Variants in ANKRD13C observed in about 807,000 individuals in gnomAD.
ANKRD13C encodes the protein ankyrin repeat domain 13C.
ANKRD13C carries 16 observed loss-of-function variants against 65.5 expected under a neutral mutation model. The observed-to-expected ratio is 0.24, with a 90% CI of 0.17 to 0.37. The LOEUF is 0.37. Ranked by LOEUF, ANKRD13C falls within the 10% of genes least tolerant of loss-of-function variation. ANKRD13C has a pLI of 1.00. For missense variants in ANKRD13C, 503 were observed against 655.9 expected, an observed-to-expected ratio of 0.77 and a Z score of 2.55; for synonymous variants, 235 against 238.7, an observed-to-expected ratio of 0.98 and a Z score of 0.14.
rs906523536 is a variant in ANKRD13C, at chr1:70,342,551, T to TA, written c.431-6453dup. On this transcript the variant is annotated intron_variant, in intron 1 of 12. Coordinates refer to ENST00000370944, the MANE Select transcript of ANKRD13C (RefSeq NM_030816.5). ...GACTCCAACTCGGTGGAGGGGGGAA[T>TA]AAAAAAAAGAAGAGACGTTTACAAT... 2.6e-5 allele frequency among the ~76,000 whole-genome samples: 4 copies of TA among 151,456 alleles called. No individual in the cohort carries two copies. In the South Asian group the frequency reaches 6.3e-4, roughly 24 times the overall value.
intron 8 of ANKRD13C, 99 bp downstream of exon 8, chr1:70,296,031 A>G: frequency 7.2e-7 from 1 of 1,398,596 alleles, no homozygotes; most frequent in East Asian, 2.4e-5. Context: ...CTACTTGGAG[A>G]CAATTCTGTA....
At chr1:70,313,907 A>C (rs1558293844) in intron 4 of ANKRD13C, 117 bp from the exon 5 acceptor site, 8 of 645,294 alleles carry the variant, frequency 1.2e-5, no homozygotes, top group Non-Finnish European at 2.2e-5. Flanking sequence ...CTTAATTACA[A>C]AGGAAAATAT....
At chr1:70,326,310 T>C (rs1312879610) in intron 2 of ANKRD13C, among the ~76,000 whole-genome samples, 2 of 148,200 alleles carry the variant, frequency 1.3e-5, no homozygotes, top group Non-Finnish European at 3.0e-5. Context: ...AGCAAATATT[T>C]ACCAAATGTC....
At position 70,296,115 on chromosome 1, in the gene ANKRD13C, T is replaced by C; in HGVS notation, c.1053+15A>G. The C allele has an allele frequency of 4.4e-6, 7 of 1,606,262 alleles. No homozygotes were observed. The highest frequency in any genetic ancestry group is 5.9e-6 in the Non-Finnish European group (7 of 1,177,848). ...GAACAATGCTTAAAGTTTAAAAATC[T>C]AGATTTGCACATACTGTTTTATCTT... On this transcript the variant is annotated intron_variant, in intron 8 of 12. Transcript: ENST00000370944.
chr1:70,270,786 T>A, intron 12 of ANKRD13C, 70 bp downstream of exon 12: 1 of 1,095,696 alleles, frequency 9.1e-7, no homozygotes, highest in Non-Finnish European at 1.3e-6. Flanking sequence ...AAGAAATTGC[T>A]TATTAAATGT....
At chr1:70,269,368 T>C (rs1163341584) in intron 12 of ANKRD13C, among the ~76,000 whole-genome samples, 1 of 152,176 alleles carries the variant, frequency 6.6e-6, no homozygotes, top group Non-Finnish European at 1.5e-5. Context: ...TTTGGGTTTG[T>C]TTAGAACTTA....
intron 9 of ANKRD13C, among the ~76,000 whole-genome samples, chr1:70,285,219 G>A (rs1387880885): frequency 1.6e-5 from 2 of 128,834 alleles, no homozygotes; most frequent in Admixed American, 8.3e-5. Flanking sequence ...TTGAGATGGA[G>A]TCTCACTCTG....
At chr1:70,319,564 G>A (rs1357303164) in intron 3 of ANKRD13C, among the ~76,000 whole-genome samples, 5 of 144,870 alleles carry the variant, frequency 3.5e-5, no homozygotes, top group South Asian at 2.2e-4. Flanking sequence ...CCAAGATCGC[G>A]CCATTGCATT....
intron 11 of ANKRD13C, among the ~76,000 whole-genome samples, chr1:70,271,183 G>C (rs946266299): frequency 6.6e-6 from 1 of 152,154 alleles, no homozygotes; most frequent in Non-Finnish European, 1.5e-5. Context: ...TCCATATTTA[G>C]ATGGACTCAA....
Position 70,262,642 on chromosome 1 carries a change from C to G in ANKRD13C, c.*75G>C. On this transcript the variant is annotated 3_prime_UTR_variant, in exon 13 of 13. Coordinates refer to ENST00000370944, the MANE Select transcript of ANKRD13C (RefSeq NM_030816.5). ...CCTTTTCTTCACTGAAAGCATTTGT[C>G]CCTTCTATTTGGATCCACTTCTAGG... is the stretch of plus-strand genomic sequence containing the variant. The G allele has an allele frequency of 1.4e-6, 2 of 1,433,446 alleles. No homozygotes were observed. The highest frequency in any genetic ancestry group is 1.9e-6 in the Non-Finnish European group (2 of 1,069,956). 88.8% of individuals were successfully genotyped at this position (1,433,446 alleles called of 1,614,324 possible).
intron 2 of ANKRD13C, among the ~76,000 whole-genome samples, chr1:70,329,148 A>G (rs1681675781): frequency 6.6e-6 from 1 of 152,196 alleles, no homozygotes; most frequent in Non-Finnish European, 1.5e-5. Context: ...AAGAAAAAAA[A>G]AGTAGAGAGA....
intron 6 of ANKRD13C, among the ~76,000 whole-genome samples, chr1:70,303,618 T>C (rs751367987): frequency 2.6e-5 from 4 of 152,212 alleles, no homozygotes; most frequent in Non-Finnish European, 5.9e-5. Flanking sequence ...TCTACTAAAG[T>C]ATTAGTTTCT....
chr1:70,271,005 G>C (rs1445724482), intron 11 of ANKRD13C, 49 bp from the exon 12 acceptor site: 1 of 1,193,842 alleles, frequency 8.4e-7, no homozygotes, highest in South Asian at 1.3e-5. Flanking sequence ...AAATTGCCTT[G>C]TGTCCTTATG....
rs1029471930 is a variant in ANKRD13C at position 70,262,633 on chromosome 1, A to G, written c.*84T>C. 4 of 1,381,742 alleles carry G rather than the reference A, an allele frequency of 2.9e-6. No individual in the cohort carries two copies. Among genetic ancestry groups the G allele is most frequent in the Non-Finnish European group, 3.9e-6 (4 of 1,034,128 alleles). The allele number at this position is 1,381,742 out of a possible 1,614,324, so 85.6% of individuals were successfully genotyped here. A position where few individuals can be genotyped will look rare whatever the true frequency, so the allele number is the denominator to read the frequency against. On this transcript the variant is annotated 3_prime_UTR_variant, in exon 13 of 13. Transcript: ENST00000370944. Reference sequence around the variant, plus strand: ...GTGTAATTCCCTTTTCTTCACTGAAAGCATTTGTCCCTTCTATTTGGATCC... The same window carrying G: ...GTGTAATTCCCTTTTCTTCACTGAAGGCATTTGTCCCTTCTATTTGGATCC...
intron 11 of ANKRD13C, among the ~76,000 whole-genome samples, chr1:70,272,299 C>A (rs1423733974): frequency 1.3e-5 from 2 of 151,274 alleles, no homozygotes; most frequent in African/African-American, 4.9e-5. Flanking sequence ...GATGTCGGCT[C>A]AACGCAAACT....
chr1:70,295,448 G>C (rs553659944), intron 8 of ANKRD13C, among the ~76,000 whole-genome samples: 1 of 151,784 alleles, frequency 6.6e-6, no homozygotes, highest in South Asian at 2.1e-4. Flanking sequence ...GGTTTTCACC[G>C]TGTTGGCCAG....
At chr1:70,339,814 TATTATTA>T (rs1682226754) in intron 1 of ANKRD13C, among the ~76,000 whole-genome samples, 1 of 1,484 alleles carries the variant, frequency 6.7e-4, no homozygotes, top group Non-Finnish European at 1.3e-3. Flanking sequence ...TCAGTACGTT[TATTATTA>T]TTATTATTAT....
At chr1:70,334,176 T>C (rs1301456311) in intron 2 of ANKRD13C, among the ~76,000 whole-genome samples, 1 of 151,870 alleles carries the variant, frequency 6.6e-6, no homozygotes, top group African/African-American at 2.4e-5. Context: ...AATTTAAAAG[T>C]TAGTTAGGTA....
At chr1:70,319,221 A>G (rs1381003274) in intron 3 of ANKRD13C, among the ~76,000 whole-genome samples, 1 of 152,200 alleles carries the variant, frequency 6.6e-6, no homozygotes, top group Non-Finnish European at 1.5e-5. Flanking sequence ...ACTAGCACAT[A>G]AAGCTGATAT....
Sources: allele counts gnomAD v4.1 joint callset (sites outside exome capture counted in the v4.1 genomes callset), GRCh38; gene constraint gnomAD v4.1.1; transcripts MANE v1.5; gene names NCBI Gene and HGNC (gene_info 2026-07-23, HGNC 2026-07-21).